SUCO: variants seen among roughly 807,000 people sequenced by gnomAD.
SUCO encodes the protein SUN domain-containing ossification factor.
A neutral mutation model predicts 148.1 loss-of-function variants in SUCO; 57 were observed. That is an observed-to-expected ratio of 0.38 (90% CI 0.31 to 0.48). The LOEUF (loss-of-function observed/expected upper bound fraction) is 0.48, where lower values mean the gene tolerates loss of function less well. Among genes scored for constraint, SUCO ranks in the 20% least tolerant of loss-of-function variants. SUCO has a pLI of 0.96. For missense variants in SUCO, 1,331 were observed against 1,468.2 expected (o/e 0.91, Z 1.53); for synonymous variants, 470 against 502.7 (o/e 0.93, Z 0.87).
chr1:172,588,020 A>G, intron 17 of SUCO: 1 of 887,694 alleles, frequency 1.1e-6, no homozygotes, highest in Non-Finnish European at 1.3e-6. Flanking sequence ...TAGTAGTTTA[A>G]TAGCAGCACT....
intron 23 of SUCO, chr1:172,609,217 A>T (rs1182229736): frequency 3.6e-6 from 3 of 823,422 alleles, no homozygotes; most frequent in Admixed American, 6.4e-5. Flanking sequence ...TGTTATCCTC[A>T]TTTTTTTTTT....
chr1:172,533,627 C>T lies in SUCO; in HGVS notation c.62+130C>T, dbSNP rs1255457094. On this transcript the variant is annotated intron_variant, in intron 1 of 23. Transcript: ENST00000263688. ...CAAGGCCCCCGTGGAAGGGACAAAC[C>T]GATTACTTCTCGACTCTCCATCTGA... The T allele has an allele frequency of 6.7e-5, 78 of 1,172,844 alleles. No individual in the cohort carries two copies. In the East Asian group the frequency reaches 2.0e-3, roughly 30 times the overall value. 72.7% of individuals were successfully genotyped at this position (1,172,844 alleles called of 1,614,324 possible).
intron 17 of SUCO, among the ~76,000 whole-genome samples, chr1:172,587,113 G>GTAGA (rs3835714): frequency 0.6 from 90,230 of 151,380 alleles, 27,361 homozygotes; most frequent in African/African-American, 0.7. Context: ...ATGTGCACAA[G>GTAGA]TAGGAATATT....
In SUCO at chr1:172,555,873, C is replaced by T. The variant is rs1428210441; in HGVS notation, c.293C>T (p.Thr98Ile). Reference sequence around the variant, plus strand: ...CTGACTTGTTTTTTTAAACAGAATACAGAGTCAAAAAAGTTAAGTCCACCG... The same window carrying T: ...CTGACTTGTTTTTTTAAACAGAATATAGAGTCAAAAAAGTTAAGTCCACCG... ...KDDSIVDVQN[T>I]ESKKLSPPVV... The change falls in exon 4 of 24, where the codon ACA (threonine) becomes ATA (isoleucine). Residue 98 changes from threonine (T) to isoleucine (I), a missense_variant. Thr to Ile is a moderately conservative substitution (Grantham distance 89). This residue lies in a region of SUCO where 992 missense variants were observed against 1,093.5 expected (regional missense o/e 0.91). Coordinates refer to ENST00000263688, the MANE Select transcript of SUCO (RefSeq NM_014283.5). 5 of 1,608,338 alleles carry T rather than the reference C, an allele frequency of 3.1e-6. No individual in the cohort carries two copies. The Admixed American group carries it at 5.0e-5, about 16-fold the overall frequency.
rs941389612 is a variant in SUCO, at chr1:172,541,928, A to G, written c.62+8431A>G. Reference sequence around the variant, plus strand: ...TTCTGTTTGTTTGCTTGTTTGTTTTAACTTGGGCAACTAGAAGAATTGGTG... The same window carrying G: ...TTCTGTTTGTTTGCTTGTTTGTTTTGACTTGGGCAACTAGAAGAATTGGTG... On this transcript the variant is annotated intron_variant, in intron 1 of 23. Transcript: ENST00000263688. 10 of 745,730 alleles carry G rather than the reference A, an allele frequency of 1.3e-5. No homozygotes were observed. The South Asian group carries it at 4.3e-4, about 32-fold the overall frequency. The allele number at this position is 745,730 out of a possible 1,614,324, so 46.2% of individuals were successfully genotyped here. A position where few individuals can be genotyped will look rare whatever the true frequency, so the allele number is the denominator to read the frequency against.
intron 19 of SUCO, among the ~76,000 whole-genome samples, chr1:172,594,226 C>A (rs1179918980): frequency 1.3e-5 from 2 of 149,814 alleles, no homozygotes; most frequent in East Asian, 2.0e-4. Context: ...AAAAAACCAG[C>A]TCCTGAATTT....
intron 7 of SUCO, 101 bp from the exon 8 acceptor site, chr1:172,569,946 G>C (rs1304816645): frequency 9.0e-7 from 1 of 1,110,498 alleles, no homozygotes; most frequent in Admixed American, 4.2e-5. Context: ...TTCTTTTCTA[G>C]AAGACAGCTT....
At chr1:172,603,517 T>C (rs1221987692) in intron 22 of SUCO, among the ~76,000 whole-genome samples, 2 of 152,050 alleles carry the variant, frequency 1.3e-5, no homozygotes, top group East Asian at 3.8e-4. Flanking sequence ...GTTTTATTAT[T>C]ATCACAAAGC....
rs376818085 is a variant in SUCO at position 172,597,609 on chromosome 1, TC to T, written c.2914-2450del. On this transcript the variant is annotated intron_variant, in intron 19 of 23. Transcript: ENST00000263688. The stretch of plus-strand genomic sequence containing the variant: ...CTTTTTGATCGTCATACCTTTTTTT[TC>T]CCCCTATCTCTTGGCTAGAGCCATA... 6.3e-3 allele frequency among the ~76,000 whole-genome samples: 957 copies of T among 152,238 alleles called. 8 individuals carry two copies. Among genetic ancestry groups the T allele is most frequent in the African/African-American group, 0.022 (910 of 41,486 alleles).
In SUCO at chr1:172,557,700, C is replaced by T. The variant is rs759450157; in HGVS notation, c.638C>T (p.Thr213Ile). The change falls in exon 6 of 24, where the codon ACA becomes ATA. Residue 213 changes from threonine to isoleucine, a missense_variant. Around this residue, in one of 3 missense-constraint regions of SUCO, gnomAD observed 992 missense variants for 1,093.5 expected, o/e 0.91. Transcript: ENST00000263688. ...VSSSHGKGKITKSEFESKVSA... is the reference protein window; with the variant it reads ...VSSSHGKGKIIKSEFESKVSA... ...TCTTCACATGGTAAAGGAAAGATAACAAAATCAGAATTTGAATCAAAAGTT... is the reference window on the plus strand; with the variant it reads ...TCTTCACATGGTAAAGGAAAGATAATAAAATCAGAATTTGAATCAAAAGTT... 7 of 1,612,880 alleles carry T rather than the reference C, an allele frequency of 4.3e-6. No homozygotes were observed. Among genetic ancestry groups the T allele is most frequent in the Non-Finnish European group, 5.9e-6 (7 of 1,179,616 alleles).
At chr1:172,580,747 G>C (rs780443635) in intron 15 of SUCO, among the ~76,000 whole-genome samples, 8 of 152,128 alleles carry the variant, frequency 5.3e-5, no homozygotes, top group African/African-American at 7.2e-5. Flanking sequence ...GGAAAAGTGT[G>C]TTGATATTCT....
In SUCO at chr1:172,610,184, G is replaced by C. The variant is rs749963585; in HGVS notation, c.3690G>C (p.Leu1230=). 6.2e-7 allele frequency: 1 copy of C among 1,613,364 alleles called. No individual in the cohort carries two copies. The highest frequency in any genetic ancestry group is 2.2e-5 in the East Asian group (1 of 44,874). Residue 1230 remains leucine, a synonymous_variant, in exon 24 of 24, where the codon CTG becomes CTC. Transcript: ENST00000263688. ...IQTKSGSLPS[L]HDIIKGNKEI... The stretch of plus-strand genomic sequence containing the variant: ...CTAAGTCGGGATCATTGCCGAGCCT[G>C]CATGACATAATCAAAGGAAACAAAG...
chr1:172,607,428 T>C (rs1484823327), intron 22 of SUCO, among the ~76,000 whole-genome samples: 1 of 151,964 alleles, frequency 6.6e-6, no homozygotes, highest in African/African-American at 2.4e-5. Context: ...CTCAGTTTAC[T>C]GTACACAGGG....
intron 1 of SUCO, among the ~76,000 whole-genome samples, chr1:172,537,233 T>C (rs1652092515): frequency 6.6e-6 from 1 of 152,162 alleles, no homozygotes; most frequent in Non-Finnish European, 1.5e-5. Context: ...ATAGTAATAG[T>C]ATATTAGTGT....
chr1:172,566,870 G>A (rs1654593296), intron 6 of SUCO, among the ~76,000 whole-genome samples: 1 of 152,232 alleles, frequency 6.6e-6, no homozygotes, highest in African/African-American at 2.4e-5. Flanking sequence ...ATGGTTCGGT[G>A]TCAGAGCCCT....
chr1:172,562,380 C>T (rs1003342775), intron 6 of SUCO, among the ~76,000 whole-genome samples: 6 of 138,730 alleles, frequency 4.3e-5, no homozygotes, highest in African/African-American at 1.6e-4. Context: ...TGTTGCCAAT[C>T]TGGAGTGCAG....
intron 7 of SUCO, 168 bp downstream of exon 7, chr1:172,569,310 A>G: frequency 4.9e-6 from 4 of 812,192 alleles, no homozygotes; most frequent in Non-Finnish European, 6.0e-6. Flanking sequence ...ATGTACCTGT[A>G]TATAATTACA....
intron 1 of SUCO, among the ~76,000 whole-genome samples, chr1:172,534,740 A>G (rs1651887349): frequency 6.6e-6 from 1 of 152,122 alleles, no homozygotes. Flanking sequence ...CACTCACCTC[A>G]TTTTAAATTT....
rs370895244 is a variant in SUCO at position 172,534,809 on chromosome 1, A to T, written c.62+1312A>T. On this transcript the variant is annotated intron_variant, in intron 1 of 23. Coordinates refer to ENST00000263688, the MANE Select transcript of SUCO (RefSeq NM_014283.5). ...CATCTCTTTCTGGGGCTGCCTAGTT[A>T]TATTTGTAGACTGTGTATTTTCTTT... is the stretch of plus-strand genomic sequence containing the variant. Among the ~76,000 whole-genome samples, 23 of 152,258 alleles carry T rather than the reference A, an allele frequency of 1.5e-4. No homozygotes were observed. The East Asian group carries it at 1.9e-3, about 13-fold the overall frequency.
Sources: gnomAD v4.1 joint callset for allele counts (sites outside exome capture counted in the v4.1 genomes callset) on GRCh38, gnomAD v4.1.1 for gene constraint, gnomAD v4.1.1 regional missense constraint, MANE v1.5 for transcripts, NCBI Gene and HGNC (gene_info 2026-07-23, HGNC 2026-07-21) for gene names.